The following SORCS3 variants were observed in gnomAD, a reference collection of about 807,000 sequenced individuals.
The protein encoded by SORCS3 is VPS10 domain-containing receptor SorCS3.
Under a neutral mutation model 146.3 loss-of-function variants are expected in SORCS3, and 57 were observed. The observed-to-expected ratio is 0.39, with a 90% CI of 0.31 to 0.49. SORCS3 has a LOEUF of 0.49. SORCS3 is among the 20% of genes least tolerant of loss of function. The pLI is 0.92. For synonymous variants in SORCS3, 653 were observed against 618.5 expected, an observed-to-expected ratio of 1.06 and a Z score of -0.83; for missense variants, 1,341 against 1,575.5, an observed-to-expected ratio of 0.85 and a Z score of 2.52.
At chr10:105,106,573 G>C (rs2055823342) in intron 7 of SORCS3, among the ~76,000 whole-genome samples, 1 of 152,164 alleles carries the variant, frequency 6.6e-6, no homozygotes, top group Admixed American at 6.5e-5. Context: ...GCCCTAACAA[G>C]ATGTCTTTGC....
chr10:105,112,343 A>G (rs1297601079), intron 7 of SORCS3, among the ~76,000 whole-genome samples: 1 of 152,146 alleles, frequency 6.6e-6, no homozygotes, highest in Non-Finnish European at 1.5e-5. Context: ...TGAAAATTGA[A>G]ATGATGATTA....
intron 1 of SORCS3, among the ~76,000 whole-genome samples, chr10:104,743,895 A>G (rs1002767217): frequency 7.9e-5 from 12 of 152,190 alleles, no homozygotes; most frequent in Non-Finnish European, 2.9e-5. Context: ...AGCTACAATA[A>G]AAAGGCTTCA....
At chr10:104,949,970 G>T (rs530285535) in intron 3 of SORCS3, among the ~76,000 whole-genome samples, 2 of 152,186 alleles carry the variant, frequency 1.3e-5, no homozygotes, top group Non-Finnish European at 2.9e-5. Context: ...AGTTTAATTT[G>T]TAATCAGTTT....
intron 1 of SORCS3, among the ~76,000 whole-genome samples, chr10:104,668,026 C>T (rs1370443058): frequency 2.0e-5 from 3 of 152,156 alleles, no homozygotes; most frequent in Non-Finnish European, 1.5e-5. Context: ...AAGGCGCCTT[C>T]GTGGCACTCC....
chr10:104,662,172 T>C (rs1455326782), intron 1 of SORCS3, among the ~76,000 whole-genome samples: 2 of 152,098 alleles, frequency 1.3e-5, no homozygotes, highest in African/African-American at 4.8e-5. Flanking sequence ...GATGTTGAAA[T>C]CAGGATATTA....
intron 2 of SORCS3, among the ~76,000 whole-genome samples, chr10:104,898,728 C>T (rs562385554): frequency 1.8e-4 from 28 of 152,282 alleles, no homozygotes; most frequent in African/African-American, 5.8e-4. Context: ...CATTTTCGGA[C>T]TCACCAATTC....
intron 4 of SORCS3, among the ~76,000 whole-genome samples, chr10:104,982,276 T>TA (rs1427852692): frequency 6.6e-6 from 1 of 152,160 alleles, no homozygotes; most frequent in East Asian, 1.9e-4. Context: ...TCAGAGGGCC[T>TA]AAAAATTCAA....
At chr10:104,978,191 G>T (rs2054912477) in intron 4 of SORCS3, among the ~76,000 whole-genome samples, 1 of 152,166 alleles carries the variant, frequency 6.6e-6, no homozygotes, top group Non-Finnish European at 1.5e-5. Flanking sequence ...CTAGGAGCCA[G>T]GGCTTAAGTA....
chr10:105,173,548 A>G (rs1010413770), intron 13 of SORCS3, among the ~76,000 whole-genome samples: 1 of 151,992 alleles, frequency 6.6e-6, no homozygotes, highest in African/African-American at 2.4e-5. Flanking sequence ...TCCAAGCCCC[A>G]TCTTGGTGTG....
chr10:105,075,963 A>T (rs1259313643), intron 5 of SORCS3, among the ~76,000 whole-genome samples: 1 of 152,192 alleles, frequency 6.6e-6, no homozygotes, highest in Non-Finnish European at 1.5e-5. Context: ...GTTCCAACAC[A>T]AGTTTTTATT....
intron 1 of SORCS3, among the ~76,000 whole-genome samples, chr10:104,703,706 A>G (rs1401331546): frequency 1.0e-5 from 1 of 96,660 alleles, no homozygotes; most frequent in African/African-American, 3.7e-5. Context: ...CTGCACATGT[A>G]TCCTGTTTTT....
intron 7 of SORCS3, among the ~76,000 whole-genome samples, chr10:105,110,285 T>C (rs1002862878): frequency 2.6e-5 from 4 of 152,064 alleles, no homozygotes; most frequent in Non-Finnish European, 4.4e-5. Flanking sequence ...CCTTCTCTTA[T>C]AGAGGTGAGC....
intron 14 of SORCS3, among the ~76,000 whole-genome samples, chr10:105,183,830 G>A (rs1245608716): frequency 6.6e-6 from 1 of 151,842 alleles, no homozygotes; most frequent in Admixed American, 6.6e-5. Flanking sequence ...AGCCTGGAAG[G>A]AAAAAGCTTA....
intron 3 of SORCS3, among the ~76,000 whole-genome samples, chr10:104,964,401 C>T (rs2054815013): frequency 6.6e-6 from 1 of 152,184 alleles, no homozygotes; most frequent in African/African-American, 2.4e-5. Context: ...CCTCCCCTTA[C>T]CTTTTCTGCT....
chr10:105,147,820 C>T (rs563747060), intron 9 of SORCS3, 24 bp downstream of exon 9: 8 of 1,595,328 alleles, frequency 5.0e-6, no homozygotes, highest in Admixed American at 1.7e-5. Flanking sequence ...ATTCTCCTTC[C>T]CTTGGGTCTG....
Position 105,147,731 on chromosome 10 carries a change from C to T in SORCS3, c.1417C>T (p.Leu473=). 1 of 1,613,132 alleles carries T rather than the reference C, an allele frequency of 6.2e-7. No individual in the cohort carries two copies. Among genetic ancestry groups the T allele is most frequent in the South Asian group, 1.1e-5 (1 of 91,052 alleles). ...AGACACGCGTGGGATTTACTTCACT[C>T]TGGCCATGGAGAACATCAAGAGCAG... ...ISDTRGIYFT[L]AMENIKSSRG... is the part of the protein sequence containing the mutation. The change falls in exon 9 of 27, where the codon CTG becomes TTG. Residue 473 remains leucine, a synonymous_variant. Transcript: ENST00000369701.
intron 9 of SORCS3, among the ~76,000 whole-genome samples, chr10:105,149,172 T>C (rs1386690340): frequency 6.6e-6 from 1 of 152,166 alleles, no homozygotes; most frequent in Non-Finnish European, 1.5e-5. Context: ...TCTCATAGTA[T>C]CTTTGTAGCA....
chr10:105,235,884 G>A (rs2056790596), intron 20 of SORCS3, among the ~76,000 whole-genome samples: 1 of 152,080 alleles, frequency 6.6e-6, no homozygotes, highest in South Asian at 2.1e-4. Flanking sequence ...CAACTTTATT[G>A]TTGTGAAAAC....
At chr10:105,155,319 C>G (rs2056199283) in intron 9 of SORCS3, among the ~76,000 whole-genome samples, 1 of 152,136 alleles carries the variant, frequency 6.6e-6, no homozygotes, top group Non-Finnish European at 1.5e-5. Context: ...ACAGCCGCTC[C>G]CCAGGAAAAA....
Sources: gnomAD v4.1 joint callset for allele counts (sites outside exome capture counted in the v4.1 genomes callset) on GRCh38, gnomAD v4.1.1 for gene constraint, MANE v1.5 for transcripts, NCBI Gene and HGNC (gene_info 2026-07-23, HGNC 2026-07-21) for gene names.